SAMD12: variants seen among roughly 807,000 people sequenced by gnomAD.
The protein encoded by SAMD12 is sterile alpha motif domain containing 12, also known as sterile alpha motif domain-containing protein 12.
In SAMD12, 9 loss-of-function variants were observed where a neutral mutation model predicts 15.0. The ratio of observed to expected loss-of-function variants is 0.60; its 90% confidence interval spans 0.36 to 1.05. The LOEUF (loss-of-function observed/expected upper bound fraction) is 1.05, where lower values mean the gene tolerates loss of function less well. Ranked by LOEUF, SAMD12 falls within the 50% of genes least tolerant of loss-of-function variation. The pLI, the probability that SAMD12 is intolerant of heterozygous loss-of-function variation, is 0.01. For synonymous variants in SAMD12, 86 were observed against 90.1 expected (o/e 0.96, Z 0.25); for missense variants, 230 against 234.2 (o/e 0.98, Z 0.12).
chr8:118,535,103 T>C (rs1322019413), intron 2 of SAMD12, among the ~76,000 whole-genome samples: 1 of 152,236 alleles, frequency 6.6e-6, no homozygotes, highest in Non-Finnish European at 1.5e-5. Flanking sequence ...TGGTCTTTGA[T>C]GATGAGGTAC....
At chr8:118,410,609 T>C (rs989906787) in intron 3 of SAMD12, among the ~76,000 whole-genome samples, 2 of 152,300 alleles carry the variant, frequency 1.3e-5, no homozygotes, top group Admixed American at 6.5e-5. Flanking sequence ...GAGACAGTCA[T>C]GTGTGAAAGG....
chr8:118,200,867 T>C (rs1424719711), intron 4 of SAMD12, among the ~76,000 whole-genome samples: 1 of 152,190 alleles, frequency 6.6e-6, no homozygotes, highest in African/African-American at 2.4e-5. Context: ...TCGATCAGGC[T>C]GGGGTGCAGT....
At position 118,288,865 on chromosome 8, in the gene SAMD12, A is replaced by G. The variant is rs114593926; in HGVS notation, c.433+90695T>C. Among the ~76,000 whole-genome samples, 1,015 of 152,354 alleles carry G rather than the reference A, an allele frequency of 6.7e-3. 14 individuals carry two copies. Among genetic ancestry groups the G allele is most frequent in the African/African-American group, 0.023 (964 of 41,582 alleles). On this transcript the variant is annotated intron_variant, in intron 4 of 4. Transcript: ENST00000409003. ...AATAATAAATACCAGGGGCACATAT[A>G]TATGATGTCATTATTACTTTCCCAC...
At chr8:118,503,395 G>C (rs1347021501) in intron 2 of SAMD12, among the ~76,000 whole-genome samples, 1 of 152,176 alleles carries the variant, frequency 6.6e-6, no homozygotes, top group African/African-American at 2.4e-5. Context: ...AAAGGCATTA[G>C]AGTCATCCAT....
At chr8:118,397,523 G>A (rs1042458748) in intron 3 of SAMD12, among the ~76,000 whole-genome samples, 4 of 152,150 alleles carry the variant, frequency 2.6e-5, no homozygotes, top group Admixed American at 6.5e-5. Context: ...AGAGTCTAGC[G>A]TGTCTAGGTC....
At chr8:118,250,032 C>G (rs1041751934) in intron 4 of SAMD12, among the ~76,000 whole-genome samples, 7 of 152,098 alleles carry the variant, frequency 4.6e-5, no homozygotes, top group Admixed American at 4.6e-4. Flanking sequence ...GAGCAGATCT[C>G]ACCTGGGTCT....
At chr8:118,208,075 T>C (rs959113633) in intron 4 of SAMD12, among the ~76,000 whole-genome samples, 6 of 151,898 alleles carry the variant, frequency 4.0e-5, no homozygotes, top group Non-Finnish European at 5.9e-5. Flanking sequence ...CTGATCAACA[T>C]GGAGAAACCC....
At chr8:118,355,949 T>A (rs574650508) in intron 4 of SAMD12, among the ~76,000 whole-genome samples, 19 of 152,214 alleles carry the variant, frequency 1.2e-4, no homozygotes, top group Non-Finnish European at 2.6e-4. Flanking sequence ...CTCTCTTATC[T>A]TGCTGGCTTG....
the SAMD12 span, among the ~76,000 whole-genome samples, chr8:118,149,149 G>A: frequency 6.6e-6 from 1 of 152,178 alleles, no homozygotes; most frequent in East Asian, 1.9e-4. Flanking sequence ...AGGGGTGCAG[G>A]AACGTGCCAC....
At chr8:118,450,082 C>A (rs1226368139) in intron 2 of SAMD12, among the ~76,000 whole-genome samples, 6 of 152,150 alleles carry the variant, frequency 3.9e-5, no homozygotes, top group Non-Finnish European at 2.9e-5. Context: ...CTTCCCCAGG[C>A]ACCTCATGGA....
chr8:118,556,795 T>C (rs1011289044), intron 2 of SAMD12, among the ~76,000 whole-genome samples: 4 of 152,012 alleles, frequency 2.6e-5, no homozygotes, highest in African/African-American at 9.7e-5. Context: ...AAACCCCGTC[T>C]CTACTAAAGA....
intron 4 of SAMD12, among the ~76,000 whole-genome samples, chr8:118,322,185 C>A (rs1175227803): frequency 1.3e-5 from 2 of 152,286 alleles, no homozygotes; most frequent in Non-Finnish European, 2.9e-5. Context: ...CTCAGAAATG[C>A]CTTCTCAGAG....
intron 2 of SAMD12, among the ~76,000 whole-genome samples, chr8:118,533,326 CTTTTA>C (rs1177169126): frequency 1.3e-5 from 2 of 152,096 alleles, no homozygotes; most frequent in Admixed American, 6.6e-5. Context: ...AATTTCTGTT[CTTTTA>C]TATTTGCTGA....
At chr8:118,329,812 T>C (rs185011504) in intron 4 of SAMD12, among the ~76,000 whole-genome samples, 158 of 152,302 alleles carry the variant, frequency 1.0e-3, no homozygotes, top group Non-Finnish European at 1.6e-3. Flanking sequence ...TATAGCACAA[T>C]TTATGTCATC....
intron 4 of SAMD12, among the ~76,000 whole-genome samples, chr8:118,206,764 T>C (rs933646612): frequency 7.2e-5 from 11 of 152,304 alleles, no homozygotes; most frequent in African/African-American, 2.4e-4. Flanking sequence ...AATAATCTGA[T>C]TCAGTAGATC....
chr8:118,155,018 C>T, the SAMD12 span, among the ~76,000 whole-genome samples: 1 of 152,154 alleles, frequency 6.6e-6, no homozygotes, highest in Non-Finnish European at 1.5e-5. Context: ...ACACTGTTAG[C>T]AAGACTGCTC....
chr8:118,521,430 G>A (rs760292856), intron 2 of SAMD12, among the ~76,000 whole-genome samples: 2 of 152,118 alleles, frequency 1.3e-5, no homozygotes, highest in Non-Finnish European at 2.9e-5. Context: ...CCTGAAGGAG[G>A]GTACATTTGA....
At chr8:118,321,982 C>T (rs1251084634) in intron 4 of SAMD12, among the ~76,000 whole-genome samples, 1 of 152,168 alleles carries the variant, frequency 6.6e-6, no homozygotes, top group Admixed American at 6.5e-5. Context: ...TCTTCTTCCC[C>T]CAGAGCTGCC....
At chr8:118,149,918 G>GT in the SAMD12 span, among the ~76,000 whole-genome samples, 4,715 of 152,132 alleles carry the variant, frequency 0.031, 242 homozygotes, top group African/African-American at 0.1. Flanking sequence ...ACTCTATTCT[G>GT]TAATACTGAT....
Sources: allele counts gnomAD v4.1 joint callset (sites outside exome capture counted in the v4.1 genomes callset), GRCh38; gene constraint gnomAD v4.1.1; transcripts MANE v1.5; gene names NCBI Gene and HGNC (gene_info 2026-07-23, HGNC 2026-07-21).